The following VAV1 variants were observed in gnomAD, a reference collection of about 807,000 sequenced individuals.
The protein encoded by VAV1 is vav guanine nucleotide exchange factor 1, also known as proto-oncogene vav.
VAV1 carries 33 observed loss-of-function variants against 128.1 expected under a neutral mutation model. The ratio of observed to expected loss-of-function variants is 0.26; its 90% CI spans 0.20 to 0.34. The LOEUF is 0.34. Ranked by LOEUF, VAV1 falls within the 10% of genes least tolerant of loss-of-function variation. The probability of loss-of-function intolerance (pLI) is 1.00; values close to 1 mark genes in which losing one functional copy is unlikely to be tolerated. For missense variants in VAV1, 715 were observed against 1,093.7 expected (o/e 0.65, Z 4.88); for synonymous variants, 394 against 409.8 (o/e 0.96, Z 0.47).
At chr19:6,807,514 G>C (rs1971421151) in intron 1 of VAV1, among the ~76,000 whole-genome samples, 1 of 152,062 alleles carries the variant, frequency 6.6e-6, no homozygotes, top group South Asian at 2.1e-4. Context: ...AGCTATGCTA[G>C]CTCACCTGCC....
intron 1 of VAV1, among the ~76,000 whole-genome samples, chr19:6,808,609 A>G (rs1971449371): frequency 6.6e-6 from 1 of 152,164 alleles, no homozygotes; most frequent in African/African-American, 2.4e-5. Flanking sequence ...TTCCAAGAAT[A>G]CTCATCACCA....
chr19:6,833,166 T>C lies in VAV1; in HGVS notation c.1509-18T>C. On this transcript the variant is annotated intron_variant, in intron 15 of 26. Coordinates refer to ENST00000602142, the MANE Select transcript of VAV1 (RefSeq NM_005428.4). ...TACTGACCTTCTTTTTTTTTTTTTTTTAATTTTCCCCTGCCAGCTCCAACA... is the reference window on the plus strand; with the variant it reads ...TACTGACCTTCTTTTTTTTTTTTTTCTAATTTTCCCCTGCCAGCTCCAACA... 6.3e-7 allele frequency: 1 copy of C among 1,578,104 alleles called. No homozygotes were observed. Among genetic ancestry groups the C allele is most frequent in the Admixed American group, 2.0e-5 (1 of 50,532 alleles).
intron 1 of VAV1, among the ~76,000 whole-genome samples, chr19:6,814,631 C>G (rs1007916805): frequency 5.4e-5 from 8 of 147,170 alleles, no homozygotes; most frequent in Admixed American, 6.7e-5. Context: ...TCTTTCTTTT[C>G]TTTCTCTCCT....
At chr19:6,792,339 A>G (rs1335474655) in intron 1 of VAV1, among the ~76,000 whole-genome samples, 1 of 151,880 alleles carries the variant, frequency 6.6e-6, no homozygotes, top group Non-Finnish European at 1.5e-5. Flanking sequence ...TGAAAAGAGG[A>G]GGCAGGTCTC....
At chr19:6,831,581 G>C (rs531254522) in intron 14 of VAV1, among the ~76,000 whole-genome samples, 18 of 152,224 alleles carry the variant, frequency 1.2e-4, no homozygotes, top group African/African-American at 4.3e-4. Flanking sequence ...CAAAATGCTG[G>C]GATTACAGGT....
At chr19:6,797,425 G>A (rs1024932538) in intron 1 of VAV1, among the ~76,000 whole-genome samples, 7 of 151,264 alleles carry the variant, frequency 4.6e-5, no homozygotes, top group African/African-American at 9.7e-5. Context: ...CAAAATGGCC[G>A]GGCACAGTGG....
intron 22 of VAV1, among the ~76,000 whole-genome samples, chr19:6,846,917 G>GC (rs1972536669): frequency 7.4e-6 from 1 of 135,390 alleles, no homozygotes. Context: ...GTGGCTTTTT[G>GC]TTTTTTTTTT....
In VAV1 at chr19:6,848,080, G is replaced by T. The variant is rs1395314402; in HGVS notation, c.2095G>T (p.Val699Leu). 1.9e-6 allele frequency: 3 copies of T among 1,553,924 alleles called. No homozygotes were observed. Among genetic ancestry groups the T allele is most frequent in the Non-Finnish European group, 1.7e-6 (2 of 1,156,918 alleles). Residue 699 changes from valine (V) to leucine (L), a missense_variant, in exon 23 of 27, where the codon GTG (valine) becomes TTG (leucine). By Grantham distance (32) the Val-to-Leu change is conservative. This residue lies in a region of VAV1 where 407 missense variants were observed against 580.6 expected (regional missense o/e 0.70). Coordinates refer to ENST00000602142, the MANE Select transcript of VAV1 (RefSeq NM_005428.4). Reference protein sequence around the residue: ...SDGTFLVRQRVKDAAEFAISI... With the variant: ...SDGTFLVRQRLKDAAEFAISI... ...CGGGACTTTCTTGGTGCGGCAGAGG[G>T]TGAAGGATGCAGCAGAATTTGCCAT...
intron 24 of VAV1, among the ~76,000 whole-genome samples, chr19:6,851,009 A>G (rs7257711): frequency 0.098 from 14,956 of 152,148 alleles, 1,019 homozygotes; most frequent in African/African-American, 0.18. Flanking sequence ...ACATATATTC[A>G]AGCATTATGT....
chr19:6,785,259 A>G (rs2037734932), intron 1 of VAV1, among the ~76,000 whole-genome samples: 1 of 150,480 alleles, frequency 6.6e-6, no homozygotes, highest in South Asian at 2.1e-4. Context: ...GCAGCCTCCA[A>G]CTTCTGGGCT....
In VAV1 at chr19:6,828,542, G is replaced by T; in HGVS notation, c.1092+55G>T. 6.2e-7 allele frequency: 1 copy of T among 1,613,752 alleles called. No homozygotes were observed. Among genetic ancestry groups the T allele is most frequent in the South Asian group, 1.1e-5 (1 of 91,076 alleles). ...CCTGCTGCAGACACCCTCCTGGTAG[G>T]GGCTGATCCTCTAGCCGGGATTAGG... On this transcript the variant is annotated intron_variant, in intron 11 of 26. Transcript: ENST00000602142. The surrounding 1 kb of genome is among the most constrained non-coding windows in gnomAD (Gnocchi z 4.5).
At chr19:6,800,917 G>A (rs185970568) in intron 1 of VAV1, among the ~76,000 whole-genome samples, 4 of 152,100 alleles carry the variant, frequency 2.6e-5, no homozygotes, top group East Asian at 1.9e-4. Context: ...GTGAGCCACC[G>A]CACCCAGCCG....
chr19:6,848,774 A>T (rs528042198), intron 23 of VAV1, among the ~76,000 whole-genome samples: 3 of 149,784 alleles, frequency 2.0e-5, no homozygotes, highest in African/African-American at 4.9e-5. Flanking sequence ...GGAATTTCTA[A>T]TTTTTTTAAT....
Position 6,821,727 on chromosome 19 carries a change from C to G in VAV1, c.380+47C>G, listed in dbSNP as rs201926382. 617 of 1,613,906 alleles carry G rather than the reference C, an allele frequency of 3.8e-4. 4 individuals carry two copies. The East Asian group carries it at 0.011, about 29-fold the overall frequency. On this transcript the variant is annotated intron_variant, in intron 3 of 26. Transcript: ENST00000602142. ...GGGCCATTTAGCCCCAGTCCTCCCCCTCCCTGAAGCCCCACTTCTACCCAG... is the reference window on the plus strand; with the variant it reads ...GGGCCATTTAGCCCCAGTCCTCCCCGTCCCTGAAGCCCCACTTCTACCCAG...
intron 1 of VAV1, among the ~76,000 whole-genome samples, chr19:6,794,230 T>C (rs2144718639): frequency 6.6e-6 from 1 of 152,280 alleles, no homozygotes; most frequent in South Asian, 2.1e-4. Context: ...AAATCATTTA[T>C]CAATGAGTGA....
chr19:6,828,609 G>GC lies in VAV1; in HGVS notation c.1093-8dup. 6.2e-7 allele frequency: 1 copy of GC among 1,613,908 alleles called. No individual in the cohort carries two copies. Among genetic ancestry groups the GC allele is most frequent in the Non-Finnish European group, 8.5e-7 (1 of 1,179,906 alleles). On this transcript the variant is annotated splice_polypyrimidine_tract_variant and intron_variant, in intron 11 of 26. Coordinates refer to ENST00000602142, the MANE Select transcript of VAV1 (RefSeq NM_005428.4). This position sits in a 1 kb window ranked among gnomAD's most constrained non-coding sequence, Gnocchi z 4.5. ...CTGTTGGGGGGCCAGGTTCACCCCT[G>GC]CCCCCTCCCCAGGACCTGGCTCAGT...
intron 6 of VAV1, among the ~76,000 whole-genome samples, chr19:6,824,766 G>A (rs919643805): frequency 5.9e-5 from 9 of 152,138 alleles, no homozygotes; most frequent in African/African-American, 2.2e-4. Flanking sequence ...TCCTGACCTC[G>A]TGATCCACCC....
At position 6,820,843 on chromosome 19, in the gene VAV1, A is replaced by G. The variant is rs560402546; in HGVS notation, c.321+25A>G. On this transcript the variant is annotated intron_variant, in intron 2 of 26. Transcript: ENST00000602142. The surrounding 1 kb of genome is among the most constrained non-coding windows in gnomAD (Gnocchi z 4.4). ...GGTGAGCTGCACACTTGAAGCCCAAAGACTGAGTTTCAGTTAATTTCTATT... is the reference window on the plus strand; with the variant it reads ...GGTGAGCTGCACACTTGAAGCCCAAGGACTGAGTTTCAGTTAATTTCTATT... The G allele has an allele frequency of 3.9e-5, 63 of 1,599,560 alleles. No homozygotes were observed. The East Asian group carries it at 1.4e-3, about 36-fold the overall frequency.
chr19:6,783,150 A>C (rs1970802145), intron 1 of VAV1, among the ~76,000 whole-genome samples: 1 of 152,194 alleles, frequency 6.6e-6, no homozygotes, highest in Admixed American at 6.5e-5. Context: ...ACTGCACTCC[A>C]GCCTGGTGAC....
Sources: allele counts gnomAD v4.1 joint callset (sites outside exome capture counted in the v4.1 genomes callset), GRCh38; gene constraint gnomAD v4.1.1; regional missense constraint gnomAD v4.1.1; non-coding constraint Gnocchi (gnomAD v3.1); transcripts MANE v1.5; gene names NCBI Gene and HGNC (gene_info 2026-07-23, HGNC 2026-07-21).